The following HNF4G variants were observed in gnomAD, a reference collection of about 807,000 sequenced individuals.
HNF4G encodes hepatocyte nuclear factor 4 gamma.
HNF4G carries 21 observed loss-of-function variants against 50.9 expected under a neutral mutation model. The observed-to-expected ratio is 0.41, with a 90% CI of 0.29 to 0.59. HNF4G has a LOEUF of 0.59. HNF4G is among the 20% of genes least tolerant of loss of function. The probability of loss-of-function intolerance (pLI) is 0.26; values close to 1 mark genes in which losing one functional copy is unlikely to be tolerated. For missense variants in HNF4G, 527 were observed against 559.4 expected (o/e 0.94, Z 0.58); for synonymous variants, 198 against 185.6 (o/e 1.07, Z -0.54).
chr8:75,414,546 C>T (rs1336826015), intron 1 of HNF4G, among the ~76,000 whole-genome samples: 1 of 152,166 alleles, frequency 6.6e-6, no homozygotes, highest in Admixed American at 6.6e-5. Context: ...CTGTTCCTTG[C>T]ATTCCCTTCC....
At chr8:75,496,654 T>C (rs1490232947) in intron 2 of HNF4G, among the ~76,000 whole-genome samples, 1 of 152,098 alleles carries the variant, frequency 6.6e-6, no homozygotes, top group African/African-American at 2.4e-5. Flanking sequence ...CTCAAGAACA[T>C]AACTGGTTGT....
chr8:75,414,729 T>C (rs1585821276), intron 1 of HNF4G, among the ~76,000 whole-genome samples: 1 of 152,372 alleles, frequency 6.6e-6, no homozygotes, highest in East Asian at 1.9e-4. Flanking sequence ...ATAGTTGTTT[T>C]TAAAAATATT....
At chr8:75,502,874 T>C (rs1248329194) in intron 2 of HNF4G, among the ~76,000 whole-genome samples, 1 of 152,182 alleles carries the variant, frequency 6.6e-6, no homozygotes, top group East Asian at 1.9e-4. Flanking sequence ...TGTCTGTTAG[T>C]AGGGGAGTAG....
intron 2 of HNF4G, among the ~76,000 whole-genome samples, chr8:75,498,164 G>A (rs193291744): frequency 5.3e-5 from 8 of 151,898 alleles, no homozygotes. Flanking sequence ...TTCTAATTAT[G>A]TCTCTTCATT....
chr8:75,441,316 G>A (rs992925605), intron 1 of HNF4G, among the ~76,000 whole-genome samples: 4 of 150,092 alleles, frequency 2.7e-5, no homozygotes, highest in African/African-American at 9.9e-5. Flanking sequence ...CACAGTCTCT[G>A]CACACTGCAA....
chr8:75,489,793 G>GAA (rs1330850935), intron 1 of HNF4G, among the ~76,000 whole-genome samples: 1 of 152,130 alleles, frequency 6.6e-6, no homozygotes, highest in African/African-American at 2.4e-5. Flanking sequence ...TATTTAGTCA[G>GAA]ATTTCTCAAC....
intron 1 of HNF4G, among the ~76,000 whole-genome samples, chr8:75,541,717 C>T (rs1035988699): frequency 1.9e-4 from 29 of 151,766 alleles, no homozygotes; most frequent in Admixed American, 1.9e-3. Flanking sequence ...CTTTTGAATG[C>T]ATATAGATTT....
rs1319159670 is a variant in HNF4G, at chr8:75,560,268, CA to C, written c.1124-72del. 1.7e-5 allele frequency: 25 copies of C among 1,503,590 alleles called. No individual in the cohort carries two copies. The East Asian group carries it at 5.5e-4, about 33-fold the overall frequency. 93.1% of individuals were successfully genotyped at this position (1,503,590 alleles called of 1,614,324 possible). A position where few individuals can be genotyped will look rare whatever the true frequency, so the allele number is the denominator to read the frequency against. On this transcript the variant is annotated intron_variant, in intron 8 of 9. Coordinates refer to ENST00000396423, the MANE Select transcript of HNF4G (RefSeq NM_004133.5). ...AAATAGCGATATTTAAGCTGTCAAT[CA>C]AAACATTTGTTTCAAGGTAAACTTG...
intron 1 of HNF4G, among the ~76,000 whole-genome samples, chr8:75,441,988 C>A (rs1403910827): frequency 6.6e-6 from 1 of 152,084 alleles, no homozygotes; most frequent in Admixed American, 6.6e-5. Flanking sequence ...ATAAATAAAG[C>A]ATTCTTGTGT....
chr8:75,436,081 G>A (rs1251027194), intron 1 of HNF4G, among the ~76,000 whole-genome samples: 1 of 151,986 alleles, frequency 6.6e-6, no homozygotes, highest in Non-Finnish European at 1.5e-5. Context: ...TAAATTATAA[G>A]GTACCTCAGA....
At chr8:75,496,479 A>G (rs985800971) in intron 2 of HNF4G, among the ~76,000 whole-genome samples, 1 of 152,128 alleles carries the variant, frequency 6.6e-6, no homozygotes, top group East Asian at 1.9e-4. Context: ...GCTTGACGTT[A>G]CCAGTTTTTC....
At chr8:75,528,070 T>C (rs1806228850) in intron 2 of HNF4G, among the ~76,000 whole-genome samples, 1 of 152,222 alleles carries the variant, frequency 6.6e-6, no homozygotes, top group Non-Finnish European at 1.5e-5. Context: ...TTGTGCATTT[T>C]GCAATTTCCT....
chr8:75,467,592 G>A (rs36038012), intron 1 of HNF4G, among the ~76,000 whole-genome samples: 7,623 of 151,946 alleles, frequency 0.05, 266 homozygotes, highest in Non-Finnish European at 0.072. Flanking sequence ...CCTGGGAGGC[G>A]GAGGTTGCAG....
Position 75,556,074 on chromosome 8 carries a change from G to GTTT in HNF4G, c.733+15_733+17dup. 7.9e-6 allele frequency: 10 copies of GTTT among 1,258,000 alleles called. No individual in the cohort carries two copies. The highest frequency in any genetic ancestry group is 2.9e-5 in the South Asian group (2 of 69,260). 77.9% of individuals were successfully genotyped at this position (1,258,000 alleles called of 1,614,324 possible). A position where few individuals can be genotyped will look rare whatever the true frequency, so the allele number is the denominator to read the frequency against. The stretch of plus-strand genomic sequence containing the variant: ...ATAAAGATATTTTGCTTTTGGGTAA[G>GTTT]TTTTTTTTTTTTAATTTAAGAAGAA... On this transcript the variant is annotated splice_donor_region_variant and intron_variant, in intron 6 of 9. Transcript: ENST00000396423.
rs1167767668 is a variant in HNF4G, at chr8:75,558,932, C to A, written c.1018C>A (p.Pro340Thr). The A allele has an allele frequency of 1.9e-6, 3 of 1,613,724 alleles. No individual in the cohort carries two copies. The South Asian group carries it at 3.3e-5, about 18-fold the overall frequency. Reference sequence around the variant, plus strand: ...GTTTGGAGAGTTGCTTCTGCTCCTGCCCACACTGCAGAGCATCACGTGGCA... The same window carrying A: ...GTTTGGAGAGTTGCTTCTGCTCCTGACCACACTGCAGAGCATCACGTGGCA... ...GRFGELLLLL[P>T]TLQSITWQMI... The change falls in exon 8 of 10, where the codon CCC (proline) becomes ACC (threonine). Residue 340 changes from proline (P) to threonine (T), a missense_variant. Pro to Thr is a conservative substitution (Grantham distance 38). Around this residue, in one of 5 missense-constraint regions of HNF4G, gnomAD observed 308 missense variants for 301.5 expected, o/e 1.02. Coordinates refer to ENST00000396423, the MANE Select transcript of HNF4G (RefSeq NM_004133.5).
At chr8:75,539,596 A>G (rs980333301), upstream of HNF4G, among the ~76,000 whole-genome samples, 5 of 152,184 alleles carry the variant, frequency 3.3e-5, no homozygotes, top group African/African-American at 1.2e-4. Flanking sequence ...CATTATTATT[A>G]CAGTTTAAAA....
intron 2 of HNF4G, among the ~76,000 whole-genome samples, chr8:75,511,418 C>T (rs1429549299): frequency 6.6e-6 from 1 of 152,082 alleles, no homozygotes; most frequent in Non-Finnish European, 1.5e-5. Flanking sequence ...ATCCTGGCCT[C>T]CTTGGGCCTT....
chr8:75,541,898 C>T, intron 1 of HNF4G, among the ~76,000 whole-genome samples: 1 of 152,086 alleles, frequency 6.6e-6, no homozygotes, highest in East Asian at 1.9e-4. Context: ...CAGATAAATT[C>T]TCTACCAACA....
chr8:75,448,604 A>G (rs1811491103), intron 1 of HNF4G, among the ~76,000 whole-genome samples: 1 of 151,572 alleles, frequency 6.6e-6, no homozygotes, highest in Non-Finnish European at 1.5e-5. Context: ...TTATTGTAAT[A>G]TGTATAAGGG....
Sources: allele counts gnomAD v4.1 joint callset (sites outside exome capture counted in the v4.1 genomes callset), GRCh38; gene constraint gnomAD v4.1.1; regional missense constraint gnomAD v4.1.1; transcripts MANE v1.5; gene names NCBI Gene and HGNC (gene_info 2026-07-23, HGNC 2026-07-21).